The following KDM4B variants were observed in gnomAD, a reference collection of about 807,000 sequenced individuals.
KDM4B encodes lysine demethylase 4B.
KDM4B carries 32 observed loss-of-function variants against 125.2 expected under a neutral mutation model. That is an observed-to-expected ratio of 0.26 (90% CI 0.19 to 0.34). The LOEUF is 0.34. Ranked by LOEUF, KDM4B falls within the 10% of genes least tolerant of loss-of-function variation. The pLI, the probability that KDM4B is intolerant of heterozygous loss-of-function variation, is 1.00. For synonymous variants in KDM4B, 721 were observed against 677.9 expected, an observed-to-expected ratio of 1.06 and a Z score of -0.99; for missense variants, 1,190 against 1,577.7, an observed-to-expected ratio of 0.75 and a Z score of 4.16.
intron 21 of KDM4B, among the ~76,000 whole-genome samples, chr19:5,146,262 G>C (rs910179618): frequency 6.7e-6 from 1 of 148,272 alleles, no homozygotes; most frequent in Admixed American, 6.7e-5. Context: ...CGTGCAGGCC[G>C]GCCCCGCCCA....
intron 2 of KDM4B, among the ~76,000 whole-genome samples, chr19:5,029,721 G>A (rs190982658): frequency 3.9e-5 from 6 of 152,340 alleles, no homozygotes; most frequent in Non-Finnish European, 2.9e-5. Flanking sequence ...CAGCTAGTTG[G>A]GAGGCTGAGG....
chr19:5,020,786 G>T (rs1013455080), intron 2 of KDM4B, among the ~76,000 whole-genome samples: 14 of 152,192 alleles, frequency 9.2e-5, no homozygotes, highest in Non-Finnish European at 1.6e-4. Context: ...CTGTAAAAAA[G>T]CACACCTTGA....
intron 9 of KDM4B, among the ~76,000 whole-genome samples, chr19:5,096,391 T>C (rs762147710): frequency 2.0e-5 from 3 of 152,014 alleles, no homozygotes; most frequent in Non-Finnish European, 2.9e-5. Flanking sequence ...GGCCATGGCG[T>C]GGGGAATATT....
chr19:5,015,827 G>A lies in KDM4B; in HGVS notation c.-108-430G>A, dbSNP rs80105575. Among the ~76,000 whole-genome samples the A allele has an allele frequency of 6.7e-3, 1,026 of 152,314 alleles. 11 individuals are homozygous for A. Among genetic ancestry groups the A allele is most frequent in the African/African-American group, 0.024 (986 of 41,586 alleles). On this transcript the variant is annotated intron_variant, in intron 1 of 22. Coordinates refer to ENST00000159111, the MANE Select transcript of KDM4B (RefSeq NM_015015.3). ...GCTGTGCCTTGGCCCCTGTGCGGTC[G>A]CAGCCCCTGCCCCCCTCTCTCCCCG...
intron 21 of KDM4B, among the ~76,000 whole-genome samples, chr19:5,149,236 A>G (rs902287395): frequency 6.6e-6 from 1 of 152,250 alleles, no homozygotes; most frequent in Non-Finnish European, 1.5e-5. Flanking sequence ...CTAGCCCCAG[A>G]CACACTTCCG....
At chr19:5,085,219 C>T (rs2038452568) in intron 9 of KDM4B, among the ~76,000 whole-genome samples, 1 of 152,110 alleles carries the variant, frequency 6.6e-6, no homozygotes, top group African/African-American at 2.4e-5. Context: ...CAGAAAGTCT[C>T]GAATGTCTCT....
At position 5,083,605 on chromosome 19, in the gene KDM4B, G is replaced by A. The variant is rs571427127; in HGVS notation, c.918+1101G>A. 2.6e-5 allele frequency among the ~76,000 whole-genome samples: 4 copies of A among 152,306 alleles called. No individual in the cohort carries two copies. In the South Asian group the frequency reaches 6.2e-4, roughly 24 times the overall value. On this transcript the variant is annotated intron_variant, in intron 9 of 22. Transcript: ENST00000159111. ...GTCCCGGCAGGCCAGGCTCGGCCAC[G>A]TGGCCCTGGCTCAGGGCTGCTGTTT...
At chr19:5,147,085 G>T (rs1029674870) in intron 21 of KDM4B, among the ~76,000 whole-genome samples, 1 of 151,670 alleles carries the variant, frequency 6.6e-6, no homozygotes, top group Admixed American at 6.6e-5. Context: ...CAGGCAGGTC[G>T]GACTGGACTC....
chr19:5,130,279 A>G (rs2039519239), intron 11 of KDM4B, among the ~76,000 whole-genome samples: 1 of 152,108 alleles, frequency 6.6e-6, no homozygotes, highest in African/African-American at 2.4e-5. Flanking sequence ...CCACATGTCC[A>G]GGAGAGTTGG....
At chr19:4,970,738 C>T (rs976223867) in intron 1 of KDM4B, among the ~76,000 whole-genome samples, 2 of 100,372 alleles carry the variant, frequency 2.0e-5, no homozygotes, top group Non-Finnish European at 5.1e-5. Context: ...CCTGCAGCCC[C>T]TGCTGAAGCA....
intron 18 of KDM4B, among the ~76,000 whole-genome samples, chr19:5,143,682 G>C (rs7359937): frequency 0.083 from 12,642 of 152,122 alleles, 581 homozygotes; most frequent in East Asian, 0.15. Context: ...GGACGGGAGA[G>C]GACTCCCCGG....
chr19:5,003,107 G>A (rs1452025396), intron 1 of KDM4B, among the ~76,000 whole-genome samples: 2 of 152,034 alleles, frequency 1.3e-5, no homozygotes, highest in Non-Finnish European at 2.9e-5. Context: ...CGATTCCACC[G>A]CCGTTCATTC....
chr19:4,986,725 C>T (rs1232615441), intron 1 of KDM4B, among the ~76,000 whole-genome samples: 3 of 152,226 alleles, frequency 2.0e-5, no homozygotes, highest in African/African-American at 7.2e-5. Flanking sequence ...CTGAGCGACT[C>T]ACACCTGCCC....
chr19:5,143,566 CCT>C (rs2039783161), intron 18 of KDM4B, among the ~76,000 whole-genome samples: 1 of 152,178 alleles, frequency 6.6e-6, no homozygotes, highest in Non-Finnish European at 1.5e-5. Flanking sequence ...TCTGCACTCA[CCT>C]CTGTGTCCCC....
At chr19:5,040,051 G>GGGGGCACACCTGCTCATGGGGGCCCT (rs2036757458) in intron 4 of KDM4B, 40 bp downstream of exon 4, 1 of 1,570,670 alleles carries the variant, frequency 6.4e-7, no homozygotes, top group Non-Finnish European at 8.7e-7. Flanking sequence ...CCCCGCCCCC[G>GGGGGCACACCTGCTCATGGGGGCCCT]GGGGCACACC....
chr19:5,061,481 A>G (rs761442873), intron 6 of KDM4B, among the ~76,000 whole-genome samples: 3 of 152,248 alleles, frequency 2.0e-5, no homozygotes, highest in Non-Finnish European at 4.4e-5. Context: ...AGCAAGTATT[A>G]GTATCTGCCA....
chr19:5,071,499 C>T (rs950615768), intron 7 of KDM4B, among the ~76,000 whole-genome samples: 3 of 152,232 alleles, frequency 2.0e-5, no homozygotes, highest in East Asian at 1.9e-4. Flanking sequence ...ACATGGTGGC[C>T]GCACGGCGTT....
chr19:5,013,339 A>G (rs901000127), intron 1 of KDM4B, among the ~76,000 whole-genome samples: 5 of 152,158 alleles, frequency 3.3e-5, no homozygotes, highest in African/African-American at 1.2e-4. Flanking sequence ...CACAGGGGAG[A>G]GGCCTGGGTG....
intron 6 of KDM4B, among the ~76,000 whole-genome samples, chr19:5,056,531 G>C (rs183189404): frequency 4.9e-4 from 75 of 151,524 alleles, no homozygotes; most frequent in Middle Eastern, 3.4e-3. Flanking sequence ...TCAGCCTCAC[G>C]AGTAGCTGAG....
Sources: allele counts gnomAD v4.1 joint callset (sites outside exome capture counted in the v4.1 genomes callset), GRCh38; gene constraint gnomAD v4.1.1; transcripts MANE v1.5; gene names NCBI Gene and HGNC (gene_info 2026-07-23, HGNC 2026-07-21).